Variants in HNF4G observed in about 807,000 individuals in gnomAD.
HNF4G encodes hepatocyte nuclear factor 4-gamma.
In HNF4G, 21 loss-of-function variants were observed where a neutral mutation model predicts 50.9. The ratio of observed to expected loss-of-function variants is 0.41; its 90% CI spans 0.29 to 0.59. The LOEUF is 0.59. Ranked by LOEUF, HNF4G falls within the 20% of genes least tolerant of loss-of-function variation. The probability of loss-of-function intolerance (pLI) is 0.26; values close to 1 mark genes in which losing one functional copy is unlikely to be tolerated. For synonymous variants in HNF4G, 198 were observed against 185.6 expected, an observed-to-expected ratio of 1.07 and a Z score of -0.54; for missense variants, 527 against 559.4, an observed-to-expected ratio of 0.94 and a Z score of 0.58.
At chr8:75,475,421 T>G (rs987247626) in intron 1 of HNF4G, among the ~76,000 whole-genome samples, 1 of 151,986 alleles carries the variant, frequency 6.6e-6, no homozygotes, top group African/African-American at 2.4e-5. Flanking sequence ...AGATGTCCTG[T>G]GAGCACATGT....
intron 2 of HNF4G, among the ~76,000 whole-genome samples, chr8:75,509,214 T>G (rs1805685404): frequency 6.6e-6 from 1 of 152,148 alleles, no homozygotes; most frequent in Non-Finnish European, 1.5e-5. Flanking sequence ...GTGCTCTAGA[T>G]GGCTGGAACA....
At chr8:75,449,509 C>CTT (rs71271864) in intron 1 of HNF4G, among the ~76,000 whole-genome samples, 80,943 of 129,200 alleles carry the variant, frequency 0.63, 26,324 homozygotes, top group African/African-American at 0.75. Context: ...ATATTTTTTT[C>CTT]TTTTTTTTTT....
At chr8:75,477,013 G>A in intron 1 of HNF4G, among the ~76,000 whole-genome samples, 1 of 152,140 alleles carries the variant, frequency 6.6e-6, no homozygotes, top group Non-Finnish European at 1.5e-5. Context: ...CTATTTTCAA[G>A]TAAAACTAAA....
chr8:75,542,112 G>A (rs1208551058), intron 1 of HNF4G, among the ~76,000 whole-genome samples: 3 of 151,914 alleles, frequency 2.0e-5, no homozygotes, highest in Non-Finnish European at 4.4e-5. Flanking sequence ...ACCAACCTGG[G>A]CAACATAGTG....
Position 75,433,388 on chromosome 8 carries a change from C to T in HNF4G, c.-144+25226C>T, listed in dbSNP as rs565185973. Among the ~76,000 whole-genome samples, 7 of 136,782 alleles carry T rather than the reference C, an allele frequency of 5.1e-5. No homozygotes were observed. The South Asian group carries it at 6.8e-4, about 13-fold the overall frequency. 89.7% of individuals were successfully genotyped at this position (136,782 alleles called of 152,430 possible). A position where few individuals can be genotyped will look rare whatever the true frequency, so the allele number is the denominator to read the frequency against. The stretch of plus-strand genomic sequence containing the variant: ...GGCCACAGCACCACAGCCTGGGTGA[C>T]GAGAGTCAGACCCTGTCTCAGAACA... On this transcript the variant is annotated intron_variant, in intron 1 of 10. Coordinates refer to the HNF4G transcript ENST00000354370.
chr8:75,447,471 A>C (rs2035262988), intron 1 of HNF4G, among the ~76,000 whole-genome samples: 1 of 141,024 alleles, frequency 7.1e-6, no homozygotes, highest in Non-Finnish European at 1.5e-5. Flanking sequence ...ACAGCAAAAG[A>C]AACTACCATC....
Position 75,539,979 on chromosome 8 carries a change from A to G in HNF4G, c.17A>G (p.Glu6Gly). 7.7e-6 allele frequency: 12 copies of G among 1,548,974 alleles called. No individual in the cohort carries two copies. The highest frequency in any genetic ancestry group is 1.1e-5 in the Non-Finnish European group (12 of 1,121,026). The change falls in exon 1 of 10, where the codon GAA (glutamate) becomes GGA (glycine). Residue 6 changes from glutamate to glycine, a missense_variant. Around this residue, in one of 5 missense-constraint regions of HNF4G, gnomAD observed 84 missense variants for 87.1 expected, o/e 0.96. Coordinates refer to ENST00000396423, the MANE Select transcript of HNF4G (RefSeq NM_004133.5). ...TCTAAATCAATGATGAGGGTATCAG[A>G]ACCAATACTGGACATGGACATGGCA... MMRVSEPILDMDMANY... is the reference protein window; with the variant it reads MMRVSGPILDMDMANY...
chr8:75,407,876 C>G (rs1810399098), upstream of HNF4G: 3 of 152,118 alleles, frequency 2.0e-5, no homozygotes, highest in African/African-American at 7.2e-5. Flanking sequence ...GACAGCGCGA[C>G]GGGGTGGGTG....
intron 2 of HNF4G, among the ~76,000 whole-genome samples, chr8:75,515,921 A>G (rs1007394388): frequency 2.6e-5 from 4 of 152,154 alleles, no homozygotes; most frequent in Non-Finnish European, 4.4e-5. Flanking sequence ...ATGCGCCCCC[A>G]TGCCCAGCTA....
chr8:75,502,129 G>A (rs1027388370), intron 2 of HNF4G, among the ~76,000 whole-genome samples: 4 of 152,104 alleles, frequency 2.6e-5, no homozygotes, highest in Non-Finnish European at 5.9e-5. Context: ...GGGATTACAG[G>A]CGTGAGCCAC....
At chr8:75,508,228 C>G (rs531408113) in intron 2 of HNF4G, among the ~76,000 whole-genome samples, 44 of 152,186 alleles carry the variant, frequency 2.9e-4, no homozygotes, top group Non-Finnish European at 6.3e-4. Flanking sequence ...TTCCTCTACT[C>G]TCTGGCTCCA....
intron 2 of HNF4G, among the ~76,000 whole-genome samples, chr8:75,511,241 A>G (rs562767866): frequency 1.8e-3 from 274 of 152,338 alleles, no homozygotes; most frequent in Middle Eastern, 0.01. Context: ...TCATTTACCC[A>G]TTAGACTGGA....
rs1163962151 is a variant in HNF4G at position 75,507,892 on chromosome 8, C to A, written c.-24+17684C>A. On this transcript the variant is annotated intron_variant, in intron 2 of 10. Transcript: ENST00000354370. ...AGAAATAAATGGAATTCTCAGGTTTCTGTGTAAGAAAACTAAAATATGTGG... is the reference window on the plus strand; with the variant it reads ...AGAAATAAATGGAATTCTCAGGTTTATGTGTAAGAAAACTAAAATATGTGG... Among the ~76,000 whole-genome samples, 3 of 151,800 alleles carry A rather than the reference C, an allele frequency of 2.0e-5. No homozygotes were observed. The East Asian group carries it at 5.8e-4, about 29-fold the overall frequency.
chr8:75,465,008 A>G (rs1406568682), intron 1 of HNF4G, among the ~76,000 whole-genome samples: 2 of 152,204 alleles, frequency 1.3e-5, no homozygotes, highest in African/African-American at 4.8e-5. Context: ...TAGAGGCACA[A>G]CAGTGTCTGC....
Position 75,475,943 on chromosome 8 carries a change from T to A in HNF4G, c.-143-14146T>A, listed in dbSNP as rs947878311. ...TTGAATTTAAAATTAAATTTATTTT[T>A]AAAATTTTTTTTATTATGAATTTGG... On this transcript the variant is annotated intron_variant, in intron 1 of 10. Coordinates refer to the HNF4G transcript ENST00000354370. Among the ~76,000 whole-genome samples, 11 of 152,244 alleles carry A rather than the reference T, an allele frequency of 7.2e-5. 1 individual carries two copies. The highest frequency in any genetic ancestry group is 2.0e-4 in the Admixed American group (3 of 15,298).
At chr8:75,463,596 A>AT (rs963496680) in intron 1 of HNF4G, among the ~76,000 whole-genome samples, 29 of 146,848 alleles carry the variant, frequency 2.0e-4, no homozygotes, top group East Asian at 4.0e-4. Flanking sequence ...GTAAGCATTC[A>AT]TTTTTTTTTT....
intron 1 of HNF4G, among the ~76,000 whole-genome samples, chr8:75,466,622 TTCC>T (rs1811988552): frequency 1.0e-5 from 1 of 99,124 alleles, no homozygotes; most frequent in Non-Finnish European, 2.2e-5. Context: ...CCTTCCTTCC[TTCC>T]TTCCTTCCTT....
intron 2 of HNF4G, among the ~76,000 whole-genome samples, chr8:75,499,701 A>G (rs563161220): frequency 6.6e-6 from 1 of 152,186 alleles, no homozygotes; most frequent in African/African-American, 2.4e-5. Flanking sequence ...TAGATTAATG[A>G]AATAGAATTT....
In HNF4G at chr8:75,540,321, C is replaced by A. The variant is rs1563546899; in HGVS notation, c.118+241C>A. ...TGTGTAATAAAGTAATGTCAGAATT[C>A]TGTCATGGGCCAGTTAGACAGGTAA... On this transcript the variant is annotated intron_variant, in intron 1 of 9. Transcript: ENST00000396423. Among the ~76,000 whole-genome samples the A allele has an allele frequency of 2.6e-5, 4 of 152,108 alleles. No individual in the cohort carries two copies. The South Asian group carries it at 8.3e-4, about 31-fold the overall frequency.
Sources: allele counts gnomAD v4.1 joint callset (sites outside exome capture counted in the v4.1 genomes callset), GRCh38; gene constraint gnomAD v4.1.1; regional missense constraint gnomAD v4.1.1; transcripts MANE v1.5; gene names NCBI Gene and HGNC (gene_info 2026-07-23, HGNC 2026-07-21).